The following RNF213 variants were observed in gnomAD, a reference collection of about 807,000 sequenced individuals.
RNF213 encodes E3 ubiquitin-protein ligase RNF213.
Under a neutral mutation model 514.4 loss-of-function variants are expected in RNF213, and 341 were observed. That is an observed-to-expected ratio of 0.66 (90% CI 0.61 to 0.73). The LOEUF (loss-of-function observed/expected upper bound fraction) is 0.73. Ranked by LOEUF, RNF213 falls within the 30% of genes least tolerant of loss-of-function variation. The probability of loss-of-function intolerance (pLI) is 0.00; values close to 1 mark genes in which losing one functional copy is unlikely to be tolerated. For missense variants in RNF213, 5,767 were observed against 6,615.6 expected (o/e 0.87, Z 4.45); for synonymous variants, 2,655 against 2,658.2 (o/e 1.00, Z 0.04).
At chr17:80,386,488 G>A (rs2144640174) in intron 62 of RNF213, 58 bp downstream of exon 62, 1 of 1,582,868 alleles carries the variant, frequency 6.3e-7, no homozygotes, top group Non-Finnish European at 8.7e-7. Flanking sequence ...CCTAAGCCCA[G>A]TGGGGCAGAC....
Position 80,336,385 on chromosome 17 carries a change from C to T in RNF213, c.4527+7C>T, listed in dbSNP as rs2077988167. 1.3e-6 allele frequency: 2 copies of T among 1,536,376 alleles called. No homozygotes were observed. Among genetic ancestry groups the T allele is most frequent in the African/African-American group, 1.4e-5 (1 of 73,030 alleles). On this transcript the variant is annotated splice_region_variant and intron_variant, in intron 23 of 67. Transcript: ENST00000582970. Reference sequence around the variant, plus strand: ...GTACCTGCCCAGGAAACTGGTGAGTCTTATTCTGTCTCTAATGCAGATTTT... The same window carrying T: ...GTACCTGCCCAGGAAACTGGTGAGTTTTATTCTGTCTCTAATGCAGATTTT...
chr17:80,284,717 C>G (rs1238670610), intron 3 of RNF213, among the ~76,000 whole-genome samples: 2 of 148,186 alleles, frequency 1.3e-5, no homozygotes, highest in Non-Finnish European at 3.0e-5. Flanking sequence ...GGACGGCTCC[C>G]CCACTGAGCC....
intron 2 of RNF213, among the ~76,000 whole-genome samples, chr17:80,272,615 G>C (rs2043862164): frequency 6.6e-6 from 1 of 152,314 alleles, no homozygotes; most frequent in African/African-American, 2.4e-5. Context: ...CCGCAGCCCT[G>C]CCTCCCAGCA....
In RNF213 at chr17:80,340,220, C is replaced by G; in HGVS notation, c.5853C>G (p.Thr1951=). ...TCAGCCAGCACAAGGTCTTCGTCAC[C>G]CCCCAGGCACCCCTCGAGGCCATCC... ...SAFSQHKVFV[T]PQAPLEAIQA... Residue 1951 remains threonine (T), a synonymous_variant, in exon 26 of 68, where the codon ACC becomes ACG. Transcript: ENST00000582970. The G allele has an allele frequency of 6.2e-7, 1 of 1,614,190 alleles. No homozygotes were observed. The highest frequency in any genetic ancestry group is 8.5e-7 in the Non-Finnish European group (1 of 1,180,020).
intron 16 of RNF213, among the ~76,000 whole-genome samples, chr17:80,318,605 G>A (rs967870211): frequency 2.0e-5 from 3 of 151,748 alleles, no homozygotes; most frequent in South Asian, 2.1e-4. Flanking sequence ...ACGGGGTCTC[G>A]CTCTATCGCC....
chr17:80,317,425 A>G lies in RNF213; in HGVS notation c.2901+148A>G. ...AGCTCCGTGTTTCTGTTTCTGATCC[A>G]GCCCTTATAGTCTGTCCCTAGAAGA... is the stretch of plus-strand genomic sequence containing the variant. On this transcript the variant is annotated intron_variant, in intron 16 of 67. Coordinates refer to ENST00000582970, the MANE Select transcript of RNF213 (RefSeq NM_001256071.3). The surrounding 1 kb of genome is among the most constrained non-coding windows in gnomAD (Gnocchi z 4.1). 1 of 766,240 alleles carries G rather than the reference A, an allele frequency of 1.3e-6. No individual in the cohort carries two copies. Among genetic ancestry groups the G allele is most frequent in the East Asian group, 2.7e-5 (1 of 37,338 alleles). The allele number at this position is 766,240 out of a possible 1,614,324, so 47.5% of individuals were successfully genotyped here. A position where few individuals can be genotyped will look rare whatever the true frequency, so the allele number is the denominator to read the frequency against.
Position 80,363,309 on chromosome 17 carries a change from G to A in RNF213, c.11563G>A (p.Glu3855Lys). The A allele has an allele frequency of 6.2e-7, 1 of 1,613,702 alleles. No homozygotes were observed. The highest frequency in any genetic ancestry group is 8.5e-7 in the Non-Finnish European group (1 of 1,179,960). Residue 3855 changes from glutamate (E) to lysine (K), a missense_variant, in exon 40 of 68, where the codon GAG (glutamate) becomes AAG (lysine). Glu to Lys is a moderately conservative substitution (Grantham distance 56). Around this residue, in one of 13 missense-constraint regions of RNF213, gnomAD observed 355 missense variants for 358.0 expected, o/e 0.99. Transcript: ENST00000582970. ...ARWNHELAGC[E>K]MTLDAFAAMA... ...TTGGAACCATGAGCTGGCTGGATGT[G>A]AGATGGTATGGCCCTCCTCCGCCTG... is the stretch of plus-strand genomic sequence containing the variant.
intron 37 of RNF213, 123 bp from the exon 38 acceptor site, chr17:80,359,938 C>A: frequency 1.1e-6 from 1 of 923,736 alleles, no homozygotes; most frequent in Non-Finnish European, 1.7e-6. Context: ...GCGCCGTCTG[C>A]CTGGCCTGTT....
chr17:80,370,646 G>C (rs8070106), intron 46 of RNF213, among the ~76,000 whole-genome samples: 8 of 151,904 alleles, frequency 5.3e-5, no homozygotes, highest in Admixed American at 4.6e-4. Flanking sequence ...ACGTTTTGTG[G>C]AAATGGGAAG....
chr17:80,396,137 C>G lies in RNF213; in HGVS notation c.*2639C>G, dbSNP rs921720197. 6.6e-6 allele frequency: 1 copy of G among 152,188 alleles called. No homozygotes were observed. 9.4% of individuals were successfully genotyped at this position (152,188 alleles called of 1,614,324 possible). ...GACTGAAAAAATTAGGTGTGCACAC[C>G]TGTAATCCCAGCTACCTGGGAGGCT... On this transcript the variant is annotated 3_prime_UTR_variant, in exon 68 of 68. Transcript: ENST00000582970.
chr17:80,309,018 G>T lies in RNF213; in HGVS notation c.2502G>T (p.Lys834Asn). The T allele has an allele frequency of 6.2e-7, 1 of 1,613,998 alleles. No homozygotes were observed. Among genetic ancestry groups the T allele is most frequent in the Non-Finnish European group, 8.5e-7 (1 of 1,179,984 alleles). ...LLRLLDTYRD[K>N]IPEEALSPSY... is the part of the protein sequence containing the mutation. ...TTTCTCTTAACTCTTTGCGGGGCAG[G>T]ATTCCCGAGGAGGCCTTGTCACCAT... The change falls in exon 14 of 68, where the codon AAG becomes AAT. Residue 834 changes from lysine (K) to asparagine (N), a missense_variant and splice_region_variant. By Grantham distance (94) the Lys-to-Asn change is moderately conservative (BLOSUM62 0). This residue lies in a region of RNF213 where 592 missense variants were observed against 673.9 expected (regional missense o/e 0.88). Coordinates refer to ENST00000582970, the MANE Select transcript of RNF213 (RefSeq NM_001256071.3).
Position 80,337,817 on chromosome 17 carries a change from C to A in RNF213, c.4669-16C>A. 6.5e-7 allele frequency: 1 copy of A among 1,536,950 alleles called. No individual in the cohort carries two copies. The highest frequency in any genetic ancestry group is 8.7e-7 in the Non-Finnish European group (1 of 1,146,646). On this transcript the variant is annotated splice_polypyrimidine_tract_variant and intron_variant, in intron 24 of 67. Coordinates refer to ENST00000582970, the MANE Select transcript of RNF213 (RefSeq NM_001256071.3). ...CTGGCCCCAAGAAAGTGACTTCTAACCTATGCTCTTCACAGATTTCCCCAG... is the reference window on the plus strand; with the variant it reads ...CTGGCCCCAAGAAAGTGACTTCTAAACTATGCTCTTCACAGATTTCCCCAG...
At chr17:80,270,976 G>A (rs1020125668) in intron 2 of RNF213, among the ~76,000 whole-genome samples, 4 of 152,306 alleles carry the variant, frequency 2.6e-5, no homozygotes, top group African/African-American at 9.6e-5. Context: ...AGAAACCCCA[G>A]TAAGGGTCCA....
chr17:80,368,233 C>G, intron 44 of RNF213, 90 bp downstream of exon 44: 1 of 1,421,708 alleles, frequency 7.0e-7, no homozygotes, highest in Non-Finnish European at 9.9e-7. Context: ...CTCTATTAAC[C>G]TTCATTTGGT....
intron 1 of RNF213, among the ~76,000 whole-genome samples, chr17:80,262,713 T>A (rs1337346192): frequency 6.6e-6 from 1 of 152,172 alleles, no homozygotes; most frequent in Non-Finnish European, 1.5e-5. Context: ...TGTTTTGGGG[T>A]GGCATAGATT....
rs763984219 is a variant in RNF213, at chr17:80,309,136, A to G, written c.2620A>G (p.Ile874Val). ...FYELPALSAE[I>V]VCRMIRLLSL... ...CGAGCTGCCAGCCTTATCTGCCGAG[A>G]TTGTCTGCAGAATGATTAGACTTCT... The change falls in exon 14 of 68, where the codon ATT becomes GTT. Residue 874 changes from isoleucine to valine, a missense_variant. Physicochemically the swap from Ile to Val is conservative, Grantham distance 29 (BLOSUM62 3). Coordinates refer to ENST00000582970, the MANE Select transcript of RNF213 (RefSeq NM_001256071.3). 9 of 1,614,154 alleles carry G rather than the reference A, an allele frequency of 5.6e-6. No homozygotes were observed. The South Asian group carries it at 9.9e-5, about 18-fold the overall frequency.
chr17:80,291,438 G>A (rs1458815234), intron 7 of RNF213, among the ~76,000 whole-genome samples, 190 bp from the exon 8 acceptor site: 1 of 151,912 alleles, frequency 6.6e-6, no homozygotes, highest in Non-Finnish European at 1.5e-5. Flanking sequence ...GGTCAATGCA[G>A]CCTTGACCTC....
chr17:80,309,036 G>A lies in RNF213; in HGVS notation c.2520G>A (p.Leu840=), dbSNP rs1236638508. ...TYRDKIPEEA[L]SPSYLTVCLK... is the part of the protein sequence containing the mutation. The stretch of plus-strand genomic sequence containing the variant: ...GGGGCAGGATTCCCGAGGAGGCCTT[G>A]TCACCATCCTACCTGACTGTGTGTC... The change falls in exon 14 of 68, where the codon TTG becomes TTA. Residue 840 remains leucine (L), a synonymous_variant. Coordinates refer to ENST00000582970, the MANE Select transcript of RNF213 (RefSeq NM_001256071.3). 4 of 1,613,992 alleles carry A rather than the reference G, an allele frequency of 2.5e-6. No individual in the cohort carries two copies. Among genetic ancestry groups the A allele is most frequent in the African/African-American group, 1.3e-5 (1 of 74,908 alleles).
chr17:80,360,726 G>C (rs1233489290), intron 38 of RNF213, among the ~76,000 whole-genome samples: 6 of 152,092 alleles, frequency 3.9e-5, no homozygotes, highest in Non-Finnish European at 8.8e-5. Flanking sequence ...CCAGATGCCA[G>C]AAGATTTGCC....
Sources: allele counts gnomAD v4.1 joint callset (sites outside exome capture counted in the v4.1 genomes callset), GRCh38; gene constraint gnomAD v4.1.1; regional missense constraint gnomAD v4.1.1; non-coding constraint Gnocchi (gnomAD v3.1); transcripts MANE v1.5; gene names NCBI Gene and HGNC (gene_info 2026-07-23, HGNC 2026-07-21).